The following ASTN2 variants were observed in gnomAD, a reference collection of about 807,000 sequenced individuals.
The protein encoded by ASTN2 is astrotactin 2.
In ASTN2, 54 loss-of-function variants were observed where a neutral mutation model predicts 139.8. The observed-to-expected ratio is 0.39, with a 90% CI of 0.31 to 0.48. The LOEUF (loss-of-function observed/expected upper bound fraction) is 0.48, where lower values mean the gene tolerates loss of function less well. Ranked by LOEUF, ASTN2 falls within the 20% of genes least tolerant of loss-of-function variation. The pLI, the probability that ASTN2 is intolerant of heterozygous loss-of-function variation, is 0.95. For missense variants in ASTN2, 1,565 were observed against 1,725.1 expected (o/e 0.91, Z 1.64); for synonymous variants, 756 against 719.5 (o/e 1.05, Z -0.81).
At chr9:117,191,451 T>C (rs1283567376) in intron 3 of ASTN2, among the ~76,000 whole-genome samples, 1 of 152,238 alleles carries the variant, frequency 6.6e-6, no homozygotes, top group Non-Finnish European at 1.5e-5. Context: ...AAAAAATTGC[T>C]AATTTATACT....
chr9:116,613,725 T>A (rs1265724667), intron 19 of ASTN2: 1 of 152,176 alleles, frequency 6.6e-6, no homozygotes, highest in African/African-American at 2.4e-5. Flanking sequence ...GGGACGTATC[T>A]CAAAATAATA....
At chr9:116,803,669 C>T (rs1475768720) in intron 13 of ASTN2, among the ~76,000 whole-genome samples, 1 of 150,330 alleles carries the variant, frequency 6.7e-6, no homozygotes, top group East Asian at 1.9e-4. Context: ...GGACTACAGG[C>T]GCCTGCCACT....
chr9:116,508,050 G>A (rs540695882), intron 19 of ASTN2, among the ~76,000 whole-genome samples: 13 of 152,096 alleles, frequency 8.5e-5, no homozygotes, highest in South Asian at 6.2e-4. Context: ...CACCATGCCC[G>A]GCTAATTTTG....
chr9:116,853,320 A>T (rs1376685535), intron 11 of ASTN2, among the ~76,000 whole-genome samples: 1 of 152,198 alleles, frequency 6.6e-6, no homozygotes, highest in African/African-American at 2.4e-5. Context: ...AGATGGAGAA[A>T]ATACCTTATG....
chr9:116,879,380 CAG>C (rs1564319258), intron 10 of ASTN2, among the ~76,000 whole-genome samples: 1 of 122,744 alleles, frequency 8.1e-6, no homozygotes, highest in African/African-American at 3.3e-5. Flanking sequence ...GACAGACAGA[CAG>C]ACAGAGAATT....
chr9:116,796,886 A>G (rs897191407), intron 13 of ASTN2, among the ~76,000 whole-genome samples: 1 of 152,168 alleles, frequency 6.6e-6, no homozygotes, highest in African/African-American at 2.4e-5. Flanking sequence ...ATCATGGCTC[A>G]CGGCAGCCTT....
intron 10 of ASTN2, among the ~76,000 whole-genome samples, chr9:116,952,720 G>A (rs1463210769): frequency 2.0e-5 from 3 of 152,184 alleles, no homozygotes; most frequent in African/African-American, 7.2e-5. Flanking sequence ...CCTGCTGTCA[G>A]GAGCCCAGGG....
chr9:116,649,446 T>C (rs1020357317), intron 17 of ASTN2, among the ~76,000 whole-genome samples: 3 of 150,806 alleles, frequency 2.0e-5, no homozygotes, highest in Non-Finnish European at 4.4e-5. Flanking sequence ...TGGTGGCAGG[T>C]ACCTGTAATC....
intron 19 of ASTN2, among the ~76,000 whole-genome samples, chr9:116,555,444 G>A (rs1852563988): frequency 6.6e-6 from 1 of 152,154 alleles, no homozygotes; most frequent in African/African-American, 2.4e-5. Context: ...GAGCAGGAAG[G>A]TGAAACCAGG....
chr9:116,699,881 C>T lies in ASTN2; in HGVS notation c.2806+25890G>A, dbSNP rs149956877. The T allele has an allele frequency of 1.2e-4, 95 of 818,510 alleles. No homozygotes were observed. In the African/African-American group the frequency reaches 1.3e-3, roughly 11 times the overall value. 50.7% of individuals were successfully genotyped at this position (818,510 alleles called of 1,614,324 possible). ...TTTATTTGTTATGTCCCCCTCCCCG[C>T]TTCCCACCTAAATTTAGAGCTTTAA... On this transcript the variant is annotated intron_variant, in intron 16 of 22. Coordinates refer to ENST00000313400, the MANE Select transcript of ASTN2 (RefSeq NM_001365068.1). This position sits in a 1 kb window ranked among gnomAD's most constrained non-coding sequence, Gnocchi z 4.2.
chr9:116,509,630 A>G (rs992023521), intron 19 of ASTN2, among the ~76,000 whole-genome samples: 1 of 152,146 alleles, frequency 6.6e-6, no homozygotes, highest in Admixed American at 6.5e-5. Context: ...CACCAACAGT[A>G]TAAAAGTGTT....
At chr9:116,523,791 T>C (rs998593609) in intron 19 of ASTN2, among the ~76,000 whole-genome samples, 4 of 152,106 alleles carry the variant, frequency 2.6e-5, no homozygotes, top group Non-Finnish European at 5.9e-5. Context: ...AGAGTCACAA[T>C]TTGCTAAACC....
At chr9:117,238,144 C>T (rs142046191) in intron 2 of ASTN2, among the ~76,000 whole-genome samples, 2 of 152,090 alleles carry the variant, frequency 1.3e-5, no homozygotes, top group Admixed American at 1.3e-4. Flanking sequence ...CTCCTTGTGG[C>T]GGGAAGGAAG....
chr9:117,279,208 G>T (rs1473385800), intron 2 of ASTN2, among the ~76,000 whole-genome samples: 1 of 152,082 alleles, frequency 6.6e-6, no homozygotes, highest in Non-Finnish European at 1.5e-5. Context: ...CTCCTAAAAA[G>T]TCCTTATCCA....
chr9:117,201,531 A>G (rs957321448), intron 3 of ASTN2, among the ~76,000 whole-genome samples: 3 of 152,080 alleles, frequency 2.0e-5, no homozygotes, highest in Non-Finnish European at 4.4e-5. Flanking sequence ...AGATTCTGGT[A>G]TGTTGTCTTT....
At chr9:117,322,602 G>A (rs906468278) in intron 1 of ASTN2, among the ~76,000 whole-genome samples, 2 of 152,184 alleles carry the variant, frequency 1.3e-5, no homozygotes, top group African/African-American at 4.8e-5. Flanking sequence ...CCATTTGCAT[G>A]CTTGCCATCT....
chr9:116,756,317 C>T (rs1396651216), intron 13 of ASTN2, among the ~76,000 whole-genome samples: 1 of 152,096 alleles, frequency 6.6e-6, no homozygotes, highest in Non-Finnish European at 1.5e-5. Flanking sequence ...GGTCTCAGGC[C>T]TATTATAGAA....
At chr9:117,366,257 A>G (rs1587984756) in intron 1 of ASTN2, among the ~76,000 whole-genome samples, 1 of 152,184 alleles carries the variant, frequency 6.6e-6, no homozygotes, top group East Asian at 1.9e-4. Context: ...AATGGCAATG[A>G]CAAGCTGACA....
chr9:116,862,941 A>G (rs1832926511), intron 11 of ASTN2, among the ~76,000 whole-genome samples: 1 of 151,970 alleles, frequency 6.6e-6, no homozygotes, highest in African/African-American at 2.4e-5. Context: ...TTATAAAACC[A>G]TCAGTTTTGG....
Sources: allele counts gnomAD v4.1 joint callset (sites outside exome capture counted in the v4.1 genomes callset), GRCh38; gene constraint gnomAD v4.1.1; non-coding constraint Gnocchi (gnomAD v3.1); transcripts MANE v1.5; gene names NCBI Gene and HGNC (gene_info 2026-07-23, HGNC 2026-07-21).